The following CNGB3 variants were observed in gnomAD, a reference collection of about 807,000 sequenced individuals.
CNGB3 encodes the protein cyclic nucleotide gated channel subunit beta 3.
A neutral mutation model predicts 92.8 loss-of-function variants in CNGB3; 86 were observed. The ratio of observed to expected loss-of-function variants is 0.93; its 90% confidence interval spans 0.78 to 1.11. The LOEUF is 1.11. Among genes scored for constraint, CNGB3 ranks in the 50% least tolerant of loss-of-function variants. The pLI, the probability that CNGB3 is intolerant of heterozygous loss-of-function variation, is 0.00. For synonymous variants in CNGB3, 333 were observed against 332.7 expected (o/e 1.00, Z -0.01); for missense variants, 1,026 against 956.8 (o/e 1.07, Z -0.95).
rs1338925750 is a variant in CNGB3 at position 86,632,921 on chromosome 8, C to CT, written c.1179-29dup. 7.5e-6 allele frequency: 12 copies of CT among 1,608,842 alleles called. No homozygotes were observed. The Middle Eastern group carries it at 6.7e-4, about 89-fold the overall frequency. On this transcript the variant is annotated intron_variant, in intron 10 of 17. Coordinates refer to ENST00000320005, the MANE Select transcript of CNGB3 (RefSeq NM_019098.5). ...GTGAAAACAGAAGATATACATTTTGCTTTTTTTCTATATCATCGAAAGACC... is the reference window on the plus strand; with the variant it reads ...GTGAAAACAGAAGATATACATTTTGCTTTTTTTTCTATATCATCGAAAGACC...
At chr8:86,583,740 C>A (rs1315473926) in intron 15 of CNGB3, among the ~76,000 whole-genome samples, 1 of 151,668 alleles carries the variant, frequency 6.6e-6, no homozygotes, top group East Asian at 1.9e-4. Flanking sequence ...GGCAACATGG[C>A]AAAATCCCAT....
chr8:86,688,697 A>G (rs1824236972), intron 3 of CNGB3, among the ~76,000 whole-genome samples: 1 of 150,538 alleles, frequency 6.6e-6, no homozygotes, highest in African/African-American at 2.4e-5. Context: ...ATTTATTTGG[A>G]TATATTTTTT....
chr8:86,627,411 A>G (rs1822870923), intron 12 of CNGB3, among the ~76,000 whole-genome samples: 1 of 152,098 alleles, frequency 6.6e-6, no homozygotes, highest in African/African-American at 2.4e-5. Flanking sequence ...TCAGGAAGAG[A>G]TTCTAAACAC....
chr8:86,659,143 T>A lies in CNGB3; in HGVS notation c.853-5081A>T, dbSNP rs575474244. On this transcript the variant is annotated intron_variant, in intron 6 of 17. Coordinates refer to ENST00000320005, the MANE Select transcript of CNGB3 (RefSeq NM_019098.5). The stretch of plus-strand genomic sequence containing the variant: ...CTGGTCTCCAGCTCCTGTACCCGAG[T>A]CATGCTGTGCTCCTTCTCCTCCCTC... 10 of 710,056 alleles carry A rather than the reference T, an allele frequency of 1.4e-5. No individual in the cohort carries two copies. In the African/African-American group the frequency reaches 1.5e-4, roughly 10 times the overall value. 44.0% of individuals were successfully genotyped at this position (710,056 alleles called of 1,614,324 possible).
At chr8:86,641,078 G>A (rs1162854240) in intron 10 of CNGB3, among the ~76,000 whole-genome samples, 1 of 152,008 alleles carries the variant, frequency 6.6e-6, no homozygotes, top group Non-Finnish European at 1.5e-5. Context: ...AGATGGCGAT[G>A]AAAGTGAACT....
In CNGB3 at chr8:86,605,667, C is replaced by T. The variant is rs560427571; in HGVS notation, c.1663-1456G>A. Among the ~76,000 whole-genome samples the T allele has an allele frequency of 1.2e-4, 18 of 152,312 alleles. 1 individual carries two copies. In the South Asian group the frequency reaches 2.9e-3, roughly 25 times the overall value. ...AGAAAAAAATATTGATTGTAGTTTA[C>T]TCTCTGAGATGGCTGAGAGAATGTC... On this transcript the variant is annotated intron_variant, in intron 14 of 17. Coordinates refer to ENST00000320005, the MANE Select transcript of CNGB3 (RefSeq NM_019098.5).
chr8:86,612,560 T>C lies in CNGB3; in HGVS notation c.1579-889A>G, dbSNP rs79114870. 5.7e-3 allele frequency among the ~76,000 whole-genome samples: 871 copies of C among 152,310 alleles called. 7 individuals are homozygous for C. The highest frequency in any genetic ancestry group is 0.02 in the African/African-American group (812 of 41,576). On this transcript the variant is annotated intron_variant, in intron 13 of 17. Coordinates refer to ENST00000320005, the MANE Select transcript of CNGB3 (RefSeq NM_019098.5). ...AAAGGGTCTGCTTCCAATTTGTGGA[T>C]CAGACAATCATTCCTTTAGCAATCA...
chr8:86,634,326 G>T (rs568645177), intron 10 of CNGB3, among the ~76,000 whole-genome samples: 8 of 152,256 alleles, frequency 5.3e-5, no homozygotes, highest in Admixed American at 1.3e-4. Flanking sequence ...CTGAACTGTA[G>T]ACTAACATAA....
At chr8:86,576,775 A>C (rs2131530269) in intron 17 of CNGB3, among the ~76,000 whole-genome samples, 1 of 152,330 alleles carries the variant, frequency 6.6e-6, no homozygotes, top group South Asian at 2.1e-4. Context: ...GCACAGATAA[A>C]GTTGAGATTC....
chr8:86,698,031 C>A (rs1824483601), intron 3 of CNGB3, among the ~76,000 whole-genome samples: 2 of 152,112 alleles, frequency 1.3e-5, no homozygotes, highest in African/African-American at 4.8e-5. Flanking sequence ...TTTCTTAATC[C>A]AGTCTATCAT....
chr8:86,675,671 G>C (rs1442501322), intron 3 of CNGB3, among the ~76,000 whole-genome samples: 1 of 152,048 alleles, frequency 6.6e-6, no homozygotes, highest in East Asian at 1.9e-4. Context: ...CAAAGTACTG[G>C]GATTGCAGAT....
At chr8:86,596,954 C>T (rs976884374) in intron 15 of CNGB3, among the ~76,000 whole-genome samples, 4 of 151,522 alleles carry the variant, frequency 2.6e-5, no homozygotes, top group Middle Eastern at 6.8e-3. Context: ...CATGTTCTCA[C>T]TCATAAGTGG....
chr8:86,685,091 A>G (rs1290630996), intron 3 of CNGB3, among the ~76,000 whole-genome samples: 1 of 152,136 alleles, frequency 6.6e-6, no homozygotes, highest in Non-Finnish European at 1.5e-5. Context: ...TTATTGTACT[A>G]TAGTTTTGCA....
chr8:86,735,042 G>GGTTTTTTTTTTTTTTTTTTTTTTTTTTTT (rs1554618958), intron 2 of CNGB3, among the ~76,000 whole-genome samples: 2 of 85,884 alleles, frequency 2.3e-5, no homozygotes, highest in African/African-American at 4.9e-5. Flanking sequence ...AATGCCGGTG[G>GGTTTTTTTTTTTTTTTTTTTTTTTTTTTT]TTTTTTTTTT....
chr8:86,700,564 C>T (rs962098606), intron 3 of CNGB3, among the ~76,000 whole-genome samples: 4 of 152,176 alleles, frequency 2.6e-5, no homozygotes, highest in African/African-American at 9.7e-5. Flanking sequence ...TCTCCAATAT[C>T]GTCAGGTTAT....
chr8:86,707,014 G>A (rs1484093952), intron 3 of CNGB3, among the ~76,000 whole-genome samples: 3 of 152,174 alleles, frequency 2.0e-5, no homozygotes, highest in African/African-American at 7.2e-5. Context: ...ATTCATGGAA[G>A]AGGCTCAGAG....
At chr8:86,598,953 AC>A (rs1822229926) in intron 15 of CNGB3, among the ~76,000 whole-genome samples, 1 of 152,022 alleles carries the variant, frequency 6.6e-6, no homozygotes, top group Non-Finnish European at 1.5e-5. Context: ...ACACCATTCA[AC>A]CCACTACAGG....
intron 10 of CNGB3, among the ~76,000 whole-genome samples, chr8:86,640,459 T>A (rs190019815): frequency 4.9e-4 from 74 of 152,132 alleles, no homozygotes; most frequent in African/African-American, 1.6e-3. Context: ...ATCCCCAAAC[T>A]AGCCAGTTTT....
At chr8:86,588,601 G>A (rs983187199) in intron 15 of CNGB3, among the ~76,000 whole-genome samples, 16 of 151,134 alleles carry the variant, frequency 1.1e-4, no homozygotes, top group East Asian at 1.9e-4. Context: ...ATAATCATGC[G>A]GTTTTTGTCT....
Sources: allele counts gnomAD v4.1 joint callset (sites outside exome capture counted in the v4.1 genomes callset), GRCh38; gene constraint gnomAD v4.1.1; transcripts MANE v1.5; gene names NCBI Gene and HGNC (gene_info 2026-07-23, HGNC 2026-07-21).